Variants in MALRD1 observed in about 807,000 individuals in gnomAD.
The protein encoded by MALRD1 is MAM and LDL receptor class A domain containing 1.
Under a neutral mutation model 242.1 loss-of-function variants are expected in MALRD1, and 247 were observed. That is an observed-to-expected ratio of 1.02 (90% CI 0.92 to 1.13). MALRD1 has a LOEUF of 1.13. Among genes scored for constraint, MALRD1 ranks in the 50% most tolerant of loss-of-function variants. The pLI is 0.00. For synonymous variants in MALRD1, 995 were observed against 866.6 expected (o/e 1.15, Z -2.60); for missense variants, 2,989 against 2,533.1 (o/e 1.18, Z -3.86).
intron 21 of MALRD1, 69 bp downstream of exon 21, chr10:19,283,250 C>T (rs1840911221): frequency 4.7e-6 from 6 of 1,277,962 alleles, no homozygotes; most frequent in Admixed American, 3.0e-5. Context: ...AATTTCTGCC[C>T]CCACCACCTT....
At chr10:19,257,792 T>G in intron 19 of MALRD1, 21 bp downstream of exon 19, 1 of 1,422,936 alleles carries the variant, frequency 7.0e-7, no homozygotes, top group South Asian at 1.5e-5. Context: ...ACATTTCAAT[T>G]TGGGGTTATT....
Position 19,660,637 on chromosome 10 carries a change from C to T in MALRD1, c.6138-31645C>T, listed in dbSNP as rs188025666. 2.0e-3 allele frequency among the ~76,000 whole-genome samples: 305 copies of T among 152,194 alleles called. 2 individuals carry two copies. The highest frequency in any genetic ancestry group is 6.0e-3 in the African/African-American group (249 of 41,524). ...TTGACTTGCTTTTGAGAGTAAAGAGCGATTGTCATCACTTGAAAGCATGGA... is the reference window on the plus strand; with the variant it reads ...TTGACTTGCTTTTGAGAGTAAAGAGTGATTGTCATCACTTGAAAGCATGGA... On this transcript the variant is annotated intron_variant, in intron 36 of 39. Coordinates refer to ENST00000454679, the MANE Select transcript of MALRD1 (RefSeq NM_001142308.3).
chr10:19,612,713 A>C (rs1838955006), intron 35 of MALRD1, among the ~76,000 whole-genome samples: 1 of 152,014 alleles, frequency 6.6e-6, no homozygotes, highest in African/African-American at 2.4e-5. Context: ...TCATGATGGA[A>C]GACCAAGCAA....
intron 36 of MALRD1, among the ~76,000 whole-genome samples, chr10:19,666,000 C>T (rs1831047): frequency 0.92 from 140,318 of 152,038 alleles, 64,786 homozygotes; most frequent in Admixed American, 0.94. Context: ...GTCAAATGGT[C>T]GGAATTCAAA....
intron 33 of MALRD1, among the ~76,000 whole-genome samples, chr10:19,586,914 G>A (rs1564461979): frequency 6.6e-6 from 1 of 152,242 alleles, no homozygotes; most frequent in Admixed American, 6.5e-5. Flanking sequence ...CCAGGTGTGG[G>A]ATATAATCTC....
At chr10:19,633,452 A>G (rs117386671) in intron 36 of MALRD1, among the ~76,000 whole-genome samples, 1 of 152,162 alleles carries the variant, frequency 6.6e-6, no homozygotes, top group African/African-American at 2.4e-5. Flanking sequence ...TTGGCCCATC[A>G]TGTCAAAGCA....
At chr10:19,671,906 T>C (rs1015043377) in intron 36 of MALRD1, among the ~76,000 whole-genome samples, 1 of 152,144 alleles carries the variant, frequency 6.6e-6, no homozygotes. Context: ...TTGGTAGCAA[T>C]CAGCAATCAT....
intron 35 of MALRD1, among the ~76,000 whole-genome samples, chr10:19,612,989 C>T (rs916994187): frequency 6.6e-6 from 1 of 151,954 alleles, no homozygotes; most frequent in Non-Finnish European, 1.5e-5. Context: ...GCCACCCTTT[C>T]CTTGTATGTT....
At chr10:19,536,298 C>A (rs1834670312) in intron 32 of MALRD1, among the ~76,000 whole-genome samples, 1 of 151,776 alleles carries the variant, frequency 6.6e-6, no homozygotes, top group African/African-American at 2.4e-5. Flanking sequence ...TTAGGCCATG[C>A]TTCCTTAGTT....
At chr10:19,646,973 A>G (rs1277467108) in intron 36 of MALRD1, among the ~76,000 whole-genome samples, 1 of 152,182 alleles carries the variant, frequency 6.6e-6, no homozygotes, top group African/African-American at 2.4e-5. Context: ...ATGAGAGGTA[A>G]TTGAGCAGAC....
At chr10:19,560,088 C>T (rs1835896073) in intron 32 of MALRD1, among the ~76,000 whole-genome samples, 1 of 152,198 alleles carries the variant, frequency 6.6e-6, no homozygotes, top group South Asian at 2.1e-4. Flanking sequence ...GGTGATTCTT[C>T]AAGGATCTAG....
chr10:19,331,366 TA>T lies in MALRD1; in HGVS notation c.3688-2del. The T allele has an allele frequency of 6.5e-7, 1 of 1,549,244 alleles. No homozygotes were observed. On this transcript the variant is annotated splice_acceptor_variant, in intron 23 of 39. Transcript: ENST00000454679. LOFTEE classifies it high-confidence loss of function. ...TTTAACTGTAACTGGCTTTTTTTTT[TA>T]GATTGTCTTCAGAGCCAAACGTGGT...
At chr10:19,556,559 A>C (rs1340640057) in intron 32 of MALRD1, among the ~76,000 whole-genome samples, 1 of 152,116 alleles carries the variant, frequency 6.6e-6, no homozygotes, top group Middle Eastern at 3.2e-3. Context: ...AAAAATATAC[A>C]TGTAAGTCCC....
intron 33 of MALRD1, among the ~76,000 whole-genome samples, 180 bp from the exon 34 acceptor site, chr10:19,595,014 A>G (rs1361360808): frequency 6.6e-6 from 1 of 152,192 alleles, no homozygotes; most frequent in Non-Finnish European, 1.5e-5. Flanking sequence ...TCCTGACATT[A>G]TGATAAGGTA....
intron 34 of MALRD1, among the ~76,000 whole-genome samples, chr10:19,601,915 T>G (rs1308207896): frequency 1.3e-5 from 2 of 152,178 alleles, no homozygotes; most frequent in Non-Finnish European, 2.9e-5. Context: ...CTCAGCTTTT[T>G]GCAATGAAAA....
chr10:19,535,789 C>T (rs1009547239), intron 32 of MALRD1, among the ~76,000 whole-genome samples: 1 of 152,110 alleles, frequency 6.6e-6, no homozygotes, highest in Non-Finnish European at 1.5e-5. Context: ...GGTTGAGAGA[C>T]ACTGCCCCAG....
chr10:19,704,752 C>A (rs1212418180), intron 38 of MALRD1, among the ~76,000 whole-genome samples: 1 of 152,152 alleles, frequency 6.6e-6, no homozygotes, highest in Non-Finnish European at 1.5e-5. Flanking sequence ...ATATGTTTGA[C>A]TCTGATGAAT....
chr10:19,077,865 G>A (rs1203490015), intron 2 of MALRD1, among the ~76,000 whole-genome samples: 1 of 151,830 alleles, frequency 6.6e-6, no homozygotes, highest in Non-Finnish European at 1.5e-5. Context: ...TAAACTGAGA[G>A]ATGATGACAA....
At chr10:19,150,621 C>T (rs1421847368) in intron 11 of MALRD1, among the ~76,000 whole-genome samples, 2 of 152,214 alleles carry the variant, frequency 1.3e-5, no homozygotes, top group Non-Finnish European at 2.9e-5. Context: ...CAGGACTTAA[C>T]TCATTTGTTT....
Sources: gnomAD v4.1 joint callset for allele counts (sites outside exome capture counted in the v4.1 genomes callset) on GRCh38, gnomAD v4.1.1 for gene constraint, MANE v1.5 for transcripts, NCBI Gene and HGNC (gene_info 2026-07-23, HGNC 2026-07-21) for gene names.